UNC13C: variants seen among roughly 807,000 people sequenced by gnomAD.
UNC13C encodes protein unc-13 homolog C.
In UNC13C, 174 loss-of-function variants were observed where a neutral mutation model predicts 245.4. The observed-to-expected ratio is 0.71, with a 90% CI of 0.63 to 0.80. The LOEUF is 0.80. Among genes scored for constraint, UNC13C ranks in the 30% least tolerant of loss-of-function variants. The pLI is 0.00. For missense variants in UNC13C, 2,829 were observed against 2,602.9 expected (o/e 1.09, Z -1.89); for synonymous variants, 992 against 895.1 (o/e 1.11, Z -1.93).
the UNC13C span, among the ~76,000 whole-genome samples, chr15:53,917,222 G>A: frequency 6.6e-6 from 1 of 152,174 alleles, no homozygotes; most frequent in South Asian, 2.1e-4. Context: ...TTCCAGAATG[G>A]AAGAAGTGAT....
At chr15:54,215,002 T>C (rs1470072100) in intron 4 of UNC13C, among the ~76,000 whole-genome samples, 1 of 152,006 alleles carries the variant, frequency 6.6e-6, no homozygotes, top group East Asian at 1.9e-4. Flanking sequence ...GCTGCATTTT[T>C]TGTTTTCTGT....
At chr15:54,050,208 G>A (rs559795059) in intron 2 of UNC13C, 15 of 521,844 alleles carry the variant, frequency 2.9e-5, no homozygotes, top group South Asian at 2.0e-4. Context: ...CTGACCTCAG[G>A]TGATCCACCC....
intron 30 of UNC13C, among the ~76,000 whole-genome samples, chr15:54,606,929 A>T (rs572993538): frequency 2.6e-5 from 4 of 152,306 alleles, no homozygotes; most frequent in Non-Finnish European, 5.9e-5. Flanking sequence ...TTTGTATGCA[A>T]ATGACTATAA....
intron 18 of UNC13C, among the ~76,000 whole-genome samples, chr15:54,403,628 A>T (rs2140933699): frequency 7.0e-6 from 1 of 143,402 alleles, no homozygotes; most frequent in East Asian, 2.2e-4. Flanking sequence ...AGGCGGAAGG[A>T]TCTGCTTGAA....
At chr15:54,171,138 T>C (rs1035887657) in intron 4 of UNC13C, among the ~76,000 whole-genome samples, 2 of 152,186 alleles carry the variant, frequency 1.3e-5, no homozygotes, top group African/African-American at 2.4e-5. Context: ...CATTCCCTTA[T>C]GTCTCTCTAT....
chr15:54,565,194 T>G lies in UNC13C; in HGVS notation c.5959-2606T>G, dbSNP rs1829532. On this transcript the variant is annotated intron_variant, in intron 29 of 32. Transcript: ENST00000260323. ...CAAATCATTTTTCTAACACCTGCAA[T>G]GTATTGTTGAAGTCATTTGTTTAAA... Among the ~76,000 whole-genome samples, 488 of 152,106 alleles carry G rather than the reference T, an allele frequency of 3.2e-3. 5 individuals are homozygous for G. Among genetic ancestry groups the G allele is most frequent in the African/African-American group, 0.011 (467 of 41,536 alleles).
the UNC13C span, among the ~76,000 whole-genome samples, chr15:53,889,356 C>CT: frequency 2.6e-5 from 4 of 152,092 alleles, no homozygotes; most frequent in Non-Finnish European, 5.9e-5. Flanking sequence ...CTCTGTTTGA[C>CT]TGTTATTGGT....
At chr15:54,438,346 G>T (rs1014641557) in intron 19 of UNC13C, among the ~76,000 whole-genome samples, 20 of 151,912 alleles carry the variant, frequency 1.3e-4, no homozygotes, top group African/African-American at 4.3e-4. Flanking sequence ...TCTTCTTCTA[G>T]TAAAGACTAC....
the UNC13C span, among the ~76,000 whole-genome samples, chr15:53,870,316 A>G: frequency 6.6e-6 from 1 of 152,180 alleles, no homozygotes; most frequent in Non-Finnish European, 1.5e-5. Context: ...TAATATTAAC[A>G]TATATCAAGT....
chr15:54,223,567 GT>G (rs869091267), intron 4 of UNC13C, among the ~76,000 whole-genome samples: 1 of 151,256 alleles, frequency 6.6e-6, no homozygotes, highest in East Asian at 1.9e-4. Flanking sequence ...TGTATGTTTT[GT>G]TTTTGTTTTT....
rs149429493 is a variant in UNC13C, at chr15:54,446,809, C to G, written c.4933+31742C>G. Among the ~76,000 whole-genome samples, 766 of 152,248 alleles carry G rather than the reference C, an allele frequency of 5.0e-3. 5 individuals are homozygous for G. The highest frequency in any genetic ancestry group is 0.017 in the African/African-American group (716 of 41,538). ...CTTTCTCCTGCCTGATTGCCCTGGC[C>G]AGAACTTCCAACACTATGTTGAATA... On this transcript the variant is annotated intron_variant, in intron 19 of 32. Transcript: ENST00000260323.
intron 30 of UNC13C, among the ~76,000 whole-genome samples, chr15:54,571,453 G>A (rs1897753456): frequency 6.6e-6 from 1 of 152,170 alleles, no homozygotes; most frequent in Non-Finnish European, 1.5e-5. Flanking sequence ...GGGAATTATG[G>A]GAGCTACAAT....
chr15:54,367,257 T>A (rs2039385836), intron 17 of UNC13C, among the ~76,000 whole-genome samples: 1 of 152,140 alleles, frequency 6.6e-6, no homozygotes, highest in Non-Finnish European at 1.5e-5. Flanking sequence ...TCCTCTAACC[T>A]TGACTTTTCT....
chr15:54,616,587 A>AT (rs1395151393), intron 30 of UNC13C, among the ~76,000 whole-genome samples: 1 of 152,078 alleles, frequency 6.6e-6, no homozygotes, highest in East Asian at 1.9e-4. Flanking sequence ...AGTAAAAAAA[A>AT]GTCTTTAAAA....
rs1381525361 is a variant in UNC13C, at chr15:54,015,836, G to T, written c.2933G>T (p.Arg978Met). 6.2e-7 allele frequency: 1 copy of T among 1,606,636 alleles called. No homozygotes were observed. The highest frequency in any genetic ancestry group is 1.1e-5 in the South Asian group (1 of 89,876). The change falls in exon 2 of 33, where the codon AGG becomes ATG. Residue 978 changes from arginine (R) to methionine (M), a missense_variant. Physicochemically the swap from Arg to Met is moderately conservative, Grantham distance 91. Coordinates refer to ENST00000260323, the MANE Select transcript of UNC13C (RefSeq NM_001080534.3). ...IRPSFKEAAL[R>M]AYKKQMAELE... ...CCTTCTTTCAAAGAAGCAGCTTTAA[G>T]GGCCTATAAAAAGCAAATGGCAGAG...
chr15:54,126,027 A>G (rs1262583709), intron 2 of UNC13C, among the ~76,000 whole-genome samples: 2 of 152,216 alleles, frequency 1.3e-5, no homozygotes, highest in Non-Finnish European at 2.9e-5. Context: ...AAACTAAAAA[A>G]TGTTCAAGTA....
chr15:54,316,387 A>G (rs1266742030), intron 13 of UNC13C, among the ~76,000 whole-genome samples: 1 of 151,760 alleles, frequency 6.6e-6, no homozygotes, highest in East Asian at 2.0e-4. Flanking sequence ...TTATCCATCA[A>G]TGATATCAAA....
chr15:54,263,407 G>C (rs2036475988), intron 8 of UNC13C, among the ~76,000 whole-genome samples: 1 of 152,124 alleles, frequency 6.6e-6, no homozygotes, highest in Admixed American at 6.5e-5. Flanking sequence ...CTAGCCAGTA[G>C]CTTAAGGTTA....
the UNC13C span, among the ~76,000 whole-genome samples, chr15:53,938,193 A>T: frequency 7.3e-6 from 1 of 137,514 alleles, no homozygotes; most frequent in Non-Finnish European, 1.7e-5. Context: ...TTACCCAGCA[A>T]ATGGAAAGCA....
Sources: allele counts gnomAD v4.1 joint callset (sites outside exome capture counted in the v4.1 genomes callset), GRCh38; gene constraint gnomAD v4.1.1; transcripts MANE v1.5; gene names NCBI Gene and HGNC (gene_info 2026-07-23, HGNC 2026-07-21).